The following MYLK4 variants were observed in gnomAD, a reference collection of about 807,000 sequenced individuals.
MYLK4 encodes the protein caMLCK like.
MYLK4 carries 46 observed loss-of-function variants against 48.1 expected under a neutral mutation model. That is an observed-to-expected ratio of 0.96 (90% confidence interval 0.75 to 1.22). The LOEUF (loss-of-function observed/expected upper bound fraction) is 1.22, where lower values mean the gene tolerates loss of function less well. MYLK4 is among the 50% of genes most tolerant of loss of function. MYLK4 has a pLI of 0.00. For synonymous variants in MYLK4, 170 were observed against 180.8 expected (o/e 0.94, Z 0.48); for missense variants, 451 against 486.1 (o/e 0.93, Z 0.68).
At chr6:2,737,649 A>C (rs1029655738) in intron 2 of MYLK4, among the ~76,000 whole-genome samples, 1 of 152,146 alleles carries the variant, frequency 6.6e-6, no homozygotes, top group Non-Finnish European at 1.5e-5. Flanking sequence ...CCATAGCTCC[A>C]GGCAATGTGG....
At chr6:2,709,459 C>T (rs1399545069) in intron 2 of MYLK4, among the ~76,000 whole-genome samples, 1 of 152,182 alleles carries the variant, frequency 6.6e-6, no homozygotes, top group East Asian at 1.9e-4. Flanking sequence ...TTGCACCTTC[C>T]CACTGGGCAT....
rs539083529 is a variant in MYLK4 at position 2,712,186 on chromosome 6, C to T, written c.160-19327G>A. 4.7e-4 allele frequency among the ~76,000 whole-genome samples: 72 copies of T among 152,288 alleles called. 1 individual carries two copies. Among genetic ancestry groups the T allele is most frequent in the South Asian group, 1.7e-3 (8 of 4,822 alleles). On this transcript the variant is annotated intron_variant, in intron 2 of 12. Transcript: ENST00000274643. ...CCTTAACATCAGCTTCATCATGTTC[C>T]GGGGCTCATGTTCAGCAGAGGCCAC...
chr6:2,704,393 C>G (rs555729004), intron 2 of MYLK4, among the ~76,000 whole-genome samples: 1 of 152,200 alleles, frequency 6.6e-6, no homozygotes, highest in Non-Finnish European at 1.5e-5. Context: ...CTTCTCAGAC[C>G]TTTGTAGAAA....
At chr6:2,737,977 C>CA (rs1187004247) in intron 2 of MYLK4, among the ~76,000 whole-genome samples, 1 of 2,536 alleles carries the variant, frequency 3.9e-4, no homozygotes, top group African/African-American at 1.5e-3. Context: ...GTGCCGGGGG[C>CA]GGGTGGGGGG....
upstream of MYLK4, among the ~76,000 whole-genome samples, chr6:2,753,369 T>C (rs562569839): frequency 6.6e-6 from 1 of 152,346 alleles, no homozygotes; most frequent in African/African-American, 2.4e-5. Context: ...ACCTCTTGAA[T>C]GTTTACACAC....
the MYLK4 span, chr6:2,765,631 G>T: frequency 6.5e-7 from 1 of 1,535,674 alleles, no homozygotes; most frequent in East Asian, 2.7e-5. Context: ...CCATGGAGGT[G>T]AGCGGGCCGG....
intron 2 of MYLK4, among the ~76,000 whole-genome samples, chr6:2,745,847 C>T (rs1764067663): frequency 6.6e-6 from 1 of 151,416 alleles, no homozygotes; most frequent in Non-Finnish European, 1.5e-5. Flanking sequence ...ATCACTTGAG[C>T]CAGGGAGGTC....
intron 8 of MYLK4, among the ~76,000 whole-genome samples, chr6:2,679,692 G>C (rs961293627): frequency 2.0e-5 from 3 of 152,238 alleles, no homozygotes; most frequent in Non-Finnish European, 2.9e-5. Flanking sequence ...AAGATGACAA[G>C]AGGAAAACTG....
At chr6:2,765,856 G>A in the MYLK4 span, 4 of 1,423,410 alleles carry the variant, frequency 2.8e-6, no homozygotes, top group East Asian at 6.1e-5. Flanking sequence ...CGGAGAGCTC[G>A]GCGCTGAAGC....
chr6:2,672,753 A>T lies in MYLK4; in HGVS notation c.1120-1405T>A, dbSNP rs912565984. Among the ~76,000 whole-genome samples the T allele has an allele frequency of 6.6e-6, 1 of 152,202 alleles. No individual in the cohort carries two copies. The highest frequency in any genetic ancestry group is 2.4e-5 in the African/African-American group (1 of 41,448). ...TGTATGGTACAAGAAAGGCTCTGGA[A>T]GCATCGCTCAGGTCCCCTGTACCCA... On this transcript the variant is annotated intron_variant, in intron 11 of 12. Transcript: ENST00000274643. This position sits in a 1 kb window ranked among gnomAD's most constrained non-coding sequence, Gnocchi z 4.3.
At chr6:2,736,371 C>T (rs1248028799) in intron 2 of MYLK4, among the ~76,000 whole-genome samples, 2 of 152,228 alleles carry the variant, frequency 1.3e-5, no homozygotes, top group African/African-American at 4.8e-5. Flanking sequence ...TCACCTGCCT[C>T]GGCCTCCCAA....
rs533638603 is a variant in MYLK4, at chr6:2,720,228, C to A, written c.160-27369G>T. On this transcript the variant is annotated intron_variant, in intron 2 of 12. Coordinates refer to ENST00000274643, the MANE Select transcript of MYLK4 (RefSeq NM_001012418.5). The stretch of plus-strand genomic sequence containing the variant: ...GACCATCCTGGCCAACATGGTGAAA[C>A]CCCATCTCTACTAAAAATACAAAAA... Among the ~76,000 whole-genome samples the A allele has an allele frequency of 1.1e-4, 17 of 152,100 alleles. No homozygotes were observed. The South Asian group carries it at 3.5e-3, about 32-fold the overall frequency.
intron 2 of MYLK4, among the ~76,000 whole-genome samples, chr6:2,703,147 A>G (rs1410314721): frequency 6.6e-6 from 1 of 152,142 alleles, no homozygotes; most frequent in Non-Finnish European, 1.5e-5. Flanking sequence ...AATATCTAGC[A>G]TGGAGGGGGC....
Position 2,672,404 on chromosome 6 carries a change from G to A in MYLK4, c.1120-1056C>T, listed in dbSNP as rs139586485. Among the ~76,000 whole-genome samples the A allele has an allele frequency of 1.3e-5, 2 of 152,146 alleles. No homozygotes were observed. The highest frequency in any genetic ancestry group is 2.1e-4 in the South Asian group (1 of 4,814). ...ATAATACAGAGGGCAGAGAACTCTC[G>A]GATGTTAACTTCTAAGAAAAAAAAA... is the stretch of plus-strand genomic sequence containing the variant. On this transcript the variant is annotated intron_variant, in intron 11 of 12. Coordinates refer to ENST00000274643, the MANE Select transcript of MYLK4 (RefSeq NM_001012418.5). The surrounding 1 kb of genome is among the most constrained non-coding windows in gnomAD (Gnocchi z 4.3).
At chr6:2,765,183 C>CA in the MYLK4 span, among the ~76,000 whole-genome samples, 7 of 19,302 alleles carry the variant, frequency 3.6e-4, no homozygotes, top group Admixed American at 1.0e-3. Context: ...CGCCTCGCAA[C>CA]CCCCCCCCCC....
At chr6:2,737,025 C>T (rs988257683) in intron 2 of MYLK4, among the ~76,000 whole-genome samples, 2 of 152,212 alleles carry the variant, frequency 1.3e-5, no homozygotes, top group Non-Finnish European at 2.9e-5. Context: ...GCCTATGTTG[C>T]TAAGTTCTTA....
chr6:2,690,969 C>T (rs952494627), intron 3 of MYLK4, among the ~76,000 whole-genome samples: 7 of 151,954 alleles, frequency 4.6e-5, no homozygotes, highest in African/African-American at 1.5e-4. Flanking sequence ...GCTGGGACTA[C>T]AGGCGCCCGC....
chr6:2,745,919 T>TCC (rs1764071998), intron 2 of MYLK4, among the ~76,000 whole-genome samples: 1 of 135,824 alleles, frequency 7.4e-6, no homozygotes, highest in African/African-American at 2.8e-5. Context: ...AGTGAGAAGC[T>TCC]GTCTCAAAAA....
chr6:2,769,659 T>A, the MYLK4 span, among the ~76,000 whole-genome samples: 1 of 152,176 alleles, frequency 6.6e-6, no homozygotes, highest in Non-Finnish European at 1.5e-5. Context: ...TCTTAGTATT[T>A]TTTCCCCATA....
Sources: allele counts gnomAD v4.1 joint callset (sites outside exome capture counted in the v4.1 genomes callset), GRCh38; gene constraint gnomAD v4.1.1; non-coding constraint Gnocchi (gnomAD v3.1); transcripts MANE v1.5; gene names NCBI Gene and HGNC (gene_info 2026-07-23, HGNC 2026-07-21).